The following PPME1 variants were observed in gnomAD, a reference collection of about 807,000 sequenced individuals.
PPME1 encodes testicular secretory protein Li 39.
In PPME1, 17 loss-of-function variants were observed where a neutral mutation model predicts 56.9. That is an observed-to-expected ratio of 0.30 (90% confidence interval 0.20 to 0.45). The LOEUF is 0.45. PPME1 is among the 20% of genes least tolerant of loss of function. PPME1 has a pLI of 1.00. For missense variants in PPME1, 357 were observed against 483.2 expected (o/e 0.74, Z 2.45); for synonymous variants, 122 against 156.2 (o/e 0.78, Z 1.63).
At chr11:74,210,251 A>G (rs1858437062) in intron 3 of PPME1, among the ~76,000 whole-genome samples, 1 of 152,194 alleles carries the variant, frequency 6.6e-6, no homozygotes, top group Admixed American at 6.6e-5. Flanking sequence ...TTGATGCCCC[A>G]AAAAGGACTT....
At chr11:74,208,272 A>G (rs892069020) in intron 3 of PPME1, among the ~76,000 whole-genome samples, 1 of 151,414 alleles carries the variant, frequency 6.6e-6, no homozygotes, top group Non-Finnish European at 1.5e-5. Flanking sequence ...AGATCGTGCC[A>G]CTGCACTCCA....
chr11:74,235,312 G>A (rs1859163730), intron 7 of PPME1, among the ~76,000 whole-genome samples: 1 of 152,088 alleles, frequency 6.6e-6, no homozygotes, highest in Non-Finnish European at 1.5e-5. Flanking sequence ...ACAAGGCCCT[G>A]GAGAAGCTGG....
intron 2 of PPME1, 41 bp from the exon 3 acceptor site, chr11:74,204,312 G>T: frequency 1.3e-6 from 2 of 1,500,860 alleles, no homozygotes. Flanking sequence ...AAAAACTTTA[G>T]TGAGCAAAAA....
At chr11:74,207,669 C>T (rs1008615864) in intron 3 of PPME1, among the ~76,000 whole-genome samples, 1 of 152,180 alleles carries the variant, frequency 6.6e-6, no homozygotes, top group African/African-American at 2.4e-5. Context: ...GTAGCCTTCT[C>T]CCATCAGCAA....
intron 8 of PPME1, among the ~76,000 whole-genome samples, chr11:74,237,106 A>T (rs1277913850): frequency 6.7e-6 from 1 of 149,552 alleles, no homozygotes; most frequent in Admixed American, 6.6e-5. Context: ...CATGATCTGG[A>T]TTTGCTGATT....
Position 74,213,317 on chromosome 11 carries a change from T to C in PPME1, c.288+8872T>C, listed in dbSNP as rs374012546. ...CTTGGATGCCAGCTCAGCTGCAGTATAGTAGAGCACCAGGTAGATTCCTAA... is the reference window on the plus strand; with the variant it reads ...CTTGGATGCCAGCTCAGCTGCAGTACAGTAGAGCACCAGGTAGATTCCTAA... On this transcript the variant is annotated intron_variant, in intron 3 of 13. Transcript: ENST00000328257. Among the ~76,000 whole-genome samples the C allele has an allele frequency of 1.2e-4, 19 of 152,102 alleles. 1 individual carries two copies. The highest frequency in any genetic ancestry group is 4.6e-4 in the African/African-American group (19 of 41,468).
intron 1 of PPME1, among the ~76,000 whole-genome samples, chr11:74,203,093 A>AT (rs963124747): frequency 7.2e-5 from 11 of 152,238 alleles, no homozygotes; most frequent in Admixed American, 6.5e-4. Context: ...TGGATATTAG[A>AT]TTTTTTCCAA....
chr11:74,238,959 T>C (rs1274153402), intron 8 of PPME1, 174 bp from the exon 9 acceptor site: 2 of 627,282 alleles, frequency 3.2e-6, no homozygotes, highest in Non-Finnish European at 5.3e-6. Context: ...AGAATAGTTA[T>C]ACATTGGCCA....
intron 5 of PPME1, 92 bp downstream of exon 5, chr11:74,225,348 G>C: frequency 3.1e-6 from 3 of 952,518 alleles, no homozygotes; most frequent in Admixed American, 6.6e-5. Flanking sequence ...TGAGATTGTT[G>C]GGGAATAATT....
chr11:74,241,875 A>G (rs1160956491), intron 9 of PPME1, among the ~76,000 whole-genome samples: 2 of 152,200 alleles, frequency 1.3e-5, no homozygotes, highest in African/African-American at 2.4e-5. Flanking sequence ...TTCTATATAT[A>G]TTCTAGATAC....
Position 74,192,157 on chromosome 11 carries a change from A to C in PPME1, c.102-11571A>C, listed in dbSNP as rs1053798974. 2.6e-5 allele frequency among the ~76,000 whole-genome samples: 4 copies of C among 152,298 alleles called. No homozygotes were observed. In the East Asian group the frequency reaches 7.7e-4, roughly 29 times the overall value. On this transcript the variant is annotated intron_variant, in intron 1 of 13. Transcript: ENST00000328257. ...GCCTTGGGAGCCCACCCCTCACACC[A>C]GTGTGCCCTGGATGTGGGACATGGA...
At chr11:74,172,968 A>C (rs1846675866) in intron 1 of PPME1, among the ~76,000 whole-genome samples, 1 of 152,212 alleles carries the variant, frequency 6.6e-6, no homozygotes, top group African/African-American at 2.4e-5. Context: ...AGAATCCTAT[A>C]AAACAGTGGG....
At chr11:74,231,303 CCTCAAGTA>C (rs1249609427) in intron 7 of PPME1, among the ~76,000 whole-genome samples, 1 of 152,212 alleles carries the variant, frequency 6.6e-6, no homozygotes, top group African/African-American at 2.4e-5. Context: ...TTTAGCCTGG[CCTCAAGTA>C]ATCAAGTAAT....
chr11:74,194,538 A>G (rs1857930047), intron 1 of PPME1, among the ~76,000 whole-genome samples: 1 of 151,620 alleles, frequency 6.6e-6, no homozygotes, highest in African/African-American at 2.4e-5. Flanking sequence ...ACGAATGACT[A>G]TATAATTACA....
intron 8 of PPME1, among the ~76,000 whole-genome samples, chr11:74,236,699 C>G (rs558554074): frequency 1.3e-5 from 2 of 152,076 alleles, no homozygotes; most frequent in Non-Finnish European, 2.9e-5. Context: ...GGTTATTAAC[C>G]CATAACCATG....
chr11:74,173,092 A>G (rs1192879608), intron 1 of PPME1, among the ~76,000 whole-genome samples: 1 of 152,182 alleles, frequency 6.6e-6, no homozygotes, highest in African/African-American at 2.4e-5. Flanking sequence ...GAGGAGATAG[A>G]GAGATAGACG....
chr11:74,190,843 A>C (rs978665809), intron 1 of PPME1, among the ~76,000 whole-genome samples: 4 of 152,230 alleles, frequency 2.6e-5, no homozygotes, highest in Non-Finnish European at 5.9e-5. Flanking sequence ...TCAGATGGAA[A>C]TGAGGAGTTT....
intron 3 of PPME1, among the ~76,000 whole-genome samples, chr11:74,220,744 C>T (rs141156480): frequency 4.5e-4 from 69 of 152,240 alleles, no homozygotes; most frequent in African/African-American, 1.5e-3. Flanking sequence ...TGCTAAACAC[C>T]ATAATATTCT....
chr11:74,234,511 GTATAT>G, intron 7 of PPME1, among the ~76,000 whole-genome samples: 1 of 152,308 alleles, frequency 6.6e-6, no homozygotes, highest in Middle Eastern at 3.4e-3. Flanking sequence ...AACCAGGTGA[GTATAT>G]TAAGTGTTTG....
Sources: allele counts gnomAD v4.1 joint callset (sites outside exome capture counted in the v4.1 genomes callset), GRCh38; gene constraint gnomAD v4.1.1; transcripts MANE v1.5; gene names NCBI Gene and HGNC (gene_info 2026-07-23, HGNC 2026-07-21).